TJP1: variants seen among roughly 807,000 people sequenced by gnomAD.
The protein encoded by TJP1 is tight junction protein ZO-1.
TJP1 carries 43 observed loss-of-function variants against 194.2 expected under a neutral mutation model. That is an observed-to-expected ratio of 0.22 (90% confidence interval 0.17 to 0.29). The LOEUF (loss-of-function observed/expected upper bound fraction) is 0.29, where lower values mean the gene tolerates loss of function less well. Ranked by LOEUF, TJP1 falls within the 10% of genes least tolerant of loss-of-function variation. TJP1 has a pLI of 1.00. For synonymous variants in TJP1, 801 were observed against 779.0 expected (o/e 1.03, Z -0.47); for missense variants, 1,971 against 2,185.7 (o/e 0.90, Z 1.96).
intron 2 of TJP1, chr15:29,956,123 T>C: frequency 1.0e-6 from 1 of 1,002,844 alleles, no homozygotes; most frequent in African/African-American, 1.7e-5. Flanking sequence ...TTTCTAAAAT[T>C]AAAAAATGCC....
intron 2 of TJP1, among the ~76,000 whole-genome samples, chr15:29,920,149 TGTTA>T (rs1420971317): frequency 6.6e-6 from 1 of 152,200 alleles, no homozygotes; most frequent in Non-Finnish European, 1.5e-5. Context: ...TCACAGAGCC[TGTTA>T]GTTACAGTAC....
intron 2 of TJP1, among the ~76,000 whole-genome samples, chr15:29,909,722 G>A (rs1703263377): frequency 6.6e-6 from 1 of 151,876 alleles, no homozygotes; most frequent in Admixed American, 6.6e-5. Context: ...CTCATACCAT[G>A]CTCACACAGG....
At chr15:29,793,472 A>T (rs761944593) in intron 2 of TJP1, among the ~76,000 whole-genome samples, 7 of 147,024 alleles carry the variant, frequency 4.8e-5, no homozygotes, top group Non-Finnish European at 1.0e-4. Context: ...CAATTTATAT[A>T]AAAAAAGAGT....
intron 2 of TJP1, among the ~76,000 whole-genome samples, chr15:29,796,429 T>C (rs892108608): frequency 2.8e-5 from 4 of 145,072 alleles, no homozygotes; most frequent in Admixed American, 1.4e-4. Flanking sequence ...CTATTTACAA[T>C]AGCGCCAAGA....
intron 2 of TJP1, among the ~76,000 whole-genome samples, chr15:29,777,509 A>C (rs2047093061): frequency 6.6e-6 from 1 of 152,236 alleles, no homozygotes; most frequent in South Asian, 2.1e-4. Context: ...TAAAACAATG[A>C]AACAATTTAC....
chr15:29,856,300 T>C (rs2051848583), intron 2 of TJP1, among the ~76,000 whole-genome samples: 1 of 152,136 alleles, frequency 6.6e-6, no homozygotes, highest in Non-Finnish European at 1.5e-5. Flanking sequence ...CATAATACAA[T>C]ACAACATAGA....
chr15:29,718,537 A>C lies in TJP1; in HGVS notation c.3605T>G (p.Val1202Gly). 1 of 1,614,156 alleles carries C rather than the reference A, an allele frequency of 6.2e-7. No homozygotes were observed. Among genetic ancestry groups the C allele is most frequent in the Non-Finnish European group, 8.5e-7 (1 of 1,180,026 alleles). The change falls in exon 21 of 28, where the codon GTA becomes GGA. Residue 1202 changes from valine (V) to glycine (G), a missense_variant. Val to Gly is a moderately radical substitution (Grantham distance 109). Around this residue, in one of 5 missense-constraint regions of TJP1, gnomAD observed 1,108 missense variants for 1,128.5 expected, o/e 0.98. Transcript: ENST00000614355. ...FEQYSRSYEQ[V>G]PPQGFTSRAG... ...TCTAGAGGTAAATCCTTGGGGTGGTACTTGCTCGTAACTGCGTGAATATTG... is the reference window on the plus strand; with the variant it reads ...TCTAGAGGTAAATCCTTGGGGTGGTCCTTGCTCGTAACTGCGTGAATATTG...
At chr15:29,873,606 C>T (rs528330952) in intron 2 of TJP1, among the ~76,000 whole-genome samples, 1 of 152,138 alleles carries the variant, frequency 6.6e-6, no homozygotes, top group Non-Finnish European at 1.5e-5. Context: ...GCTTTATATT[C>T]TTTTACAGTT....
At chr15:29,922,868 A>G (rs747045991) in intron 2 of TJP1, among the ~76,000 whole-genome samples, 2 of 152,222 alleles carry the variant, frequency 1.3e-5, no homozygotes, top group Non-Finnish European at 2.9e-5. Context: ...ACTGAAAAAT[A>G]AAATACTTGG....
At chr15:29,903,225 A>C (rs1165007388) in intron 2 of TJP1, among the ~76,000 whole-genome samples, 1 of 152,108 alleles carries the variant, frequency 6.6e-6, no homozygotes, top group African/African-American at 2.4e-5. Context: ...ATCGTTTTTA[A>C]GCTCCATATG....
Position 29,733,147 on chromosome 15 carries a change from T to A in TJP1, c.1683A>T (p.Arg561=). The change falls in exon 13 of 28, where the codon CGA becomes CGT. Residue 561 remains arginine, a synonymous_variant. Coordinates refer to ENST00000614355, the MANE Select transcript of TJP1 (RefSeq NM_001330239.4). The part of the protein sequence containing the change: ...NGKLGSWLAI[R]IGKNHKEVER... ...CTACCTCCTTATGATTTTTACCAAT[T>A]CGAATAGCAAGCCAAGAGCCCAGTT... 6.2e-7 allele frequency: 1 copy of A among 1,614,126 alleles called. No individual in the cohort carries two copies. Among genetic ancestry groups the A allele is most frequent in the Non-Finnish European group, 8.5e-7 (1 of 1,180,008 alleles).
chr15:29,745,684 AC>A (rs2044724221), intron 8 of TJP1, among the ~76,000 whole-genome samples: 1 of 152,234 alleles, frequency 6.6e-6, no homozygotes, highest in East Asian at 1.9e-4. Context: ...AATAAAATGC[AC>A]CAGCACAGTA....
At chr15:29,916,679 T>C (rs1300557229) in intron 2 of TJP1, among the ~76,000 whole-genome samples, 1 of 152,186 alleles carries the variant, frequency 6.6e-6, no homozygotes, top group Non-Finnish European at 1.5e-5. Context: ...CTACTTGTTC[T>C]AAAATATTTG....
chr15:29,783,260 G>A (rs1301369513), intron 2 of TJP1, among the ~76,000 whole-genome samples: 2 of 152,024 alleles, frequency 1.3e-5, no homozygotes, highest in Non-Finnish European at 2.9e-5. Flanking sequence ...GGCAAAAAGA[G>A]CAAAACTCCA....
At chr15:29,871,792 C>T (rs1479379341) in intron 2 of TJP1, among the ~76,000 whole-genome samples, 1 of 152,210 alleles carries the variant, frequency 6.6e-6, no homozygotes, top group Non-Finnish European at 1.5e-5. Context: ...ATCAACAATC[C>T]ACAAAGTTTC....
chr15:29,918,243 G>A (rs1024373589), intron 2 of TJP1, among the ~76,000 whole-genome samples: 1 of 152,180 alleles, frequency 6.6e-6, no homozygotes, highest in African/African-American at 2.4e-5. Flanking sequence ...GTGGGCACCT[G>A]GGTTGCTTCC....
intron 20 of TJP1, among the ~76,000 whole-genome samples, chr15:29,719,502 C>T (rs1342810995): frequency 2.0e-5 from 3 of 151,762 alleles, no homozygotes; most frequent in Non-Finnish European, 2.9e-5. Context: ...TGATGGGTTT[C>T]GATTACATAT....
chr15:29,732,842 T>A lies in TJP1; in HGVS notation c.1737-27A>T, dbSNP rs186716858. 1.8e-5 allele frequency: 28 copies of A among 1,546,828 alleles called. No homozygotes were observed. The East Asian group carries it at 5.6e-4, about 31-fold the overall frequency. ...TACACAAGAAAGGAGAAAATTAAAA[T>A]AAGGGCATTTAAAATGCAAAATGGA... On this transcript the variant is annotated intron_variant, in intron 13 of 27. Coordinates refer to ENST00000614355, the MANE Select transcript of TJP1 (RefSeq NM_001330239.4).
intron 11 of TJP1, among the ~76,000 whole-genome samples, chr15:29,734,668 T>A (rs2151278999): frequency 6.6e-6 from 1 of 152,028 alleles, no homozygotes; most frequent in South Asian, 2.1e-4. Context: ...ATATTTTTAG[T>A]AGAGATGGGG....
Sources: gnomAD v4.1 joint callset for allele counts (sites outside exome capture counted in the v4.1 genomes callset) on GRCh38, gnomAD v4.1.1 for gene constraint, gnomAD v4.1.1 regional missense constraint, MANE v1.5 for transcripts, NCBI Gene and HGNC (gene_info 2026-07-23, HGNC 2026-07-21) for gene names.